BNC2: variants seen among roughly 807,000 people sequenced by gnomAD.
The protein encoded by BNC2 is zinc finger protein basonuclin-2.
BNC2 carries 20 observed loss-of-function variants against 76.3 expected under a neutral mutation model. That is an observed-to-expected ratio of 0.26 (90% confidence interval 0.18 to 0.38). The LOEUF (loss-of-function observed/expected upper bound fraction) is 0.38. BNC2 is among the 10% of genes least tolerant of loss of function. The probability of loss-of-function intolerance (pLI) is 1.00; values close to 1 mark genes in which losing one functional copy is unlikely to be tolerated. For missense variants in BNC2, 1,382 were observed against 1,399.8 expected (o/e 0.99, Z 0.20); for synonymous variants, 582 against 514.8 (o/e 1.13, Z -1.77).
chr9:16,759,012 G>C (rs1415192443), intron 1 of BNC2, among the ~76,000 whole-genome samples: 3 of 152,130 alleles, frequency 2.0e-5, no homozygotes, highest in Non-Finnish European at 2.9e-5. Context: ...AAGGAAATTT[G>C]TTCTGATTTT....
At chr9:16,586,725 C>A (rs927063356) in intron 3 of BNC2, among the ~76,000 whole-genome samples, 1 of 152,132 alleles carries the variant, frequency 6.6e-6, no homozygotes, top group Non-Finnish European at 1.5e-5. Context: ...AAGCAAAAAC[C>A]GTCACTGTGG....
intron 1 of BNC2, among the ~76,000 whole-genome samples, chr9:16,798,682 A>G (rs1015820596): frequency 2.6e-5 from 4 of 152,220 alleles, no homozygotes; most frequent in Non-Finnish European, 5.9e-5. Context: ...TAAATTTTTC[A>G]TTCTCCACTA....
intron 1 of BNC2, among the ~76,000 whole-genome samples, chr9:16,818,399 G>A (rs565454913): frequency 4.1e-4 from 62 of 152,092 alleles, no homozygotes; most frequent in Admixed American, 7.2e-4. Flanking sequence ...GCGAGACTCC[G>A]TCTCAAAAAA....
chr9:16,486,466 C>T (rs564608922), intron 5 of BNC2, among the ~76,000 whole-genome samples: 59 of 152,288 alleles, frequency 3.9e-4, no homozygotes, highest in Middle Eastern at 3.4e-3. Context: ...CAAATAAATG[C>T]GCACACCTTT....
chr9:16,722,637 G>T (rs1352839091), intron 3 of BNC2, among the ~76,000 whole-genome samples: 13 of 152,068 alleles, frequency 8.5e-5, no homozygotes, highest in Non-Finnish European at 1.9e-4. Context: ...ATTTCAAAAC[G>T]ATCACCTACT....
intron 3 of BNC2, among the ~76,000 whole-genome samples, chr9:16,697,981 T>TA (rs1460263000): frequency 6.6e-6 from 1 of 152,172 alleles, no homozygotes; most frequent in East Asian, 1.9e-4. Flanking sequence ...CATCCCAAAT[T>TA]AGTTTCTACT....
intron 3 of BNC2, among the ~76,000 whole-genome samples, chr9:16,623,831 TA>T (rs1158624603): frequency 1.3e-5 from 2 of 152,136 alleles, no homozygotes; most frequent in African/African-American, 4.8e-5. Flanking sequence ...AAGGATTCAG[TA>T]AAAAGCAAAG....
intron 1 of BNC2, among the ~76,000 whole-genome samples, chr9:16,834,748 A>G (rs1818663554): frequency 6.6e-6 from 1 of 152,342 alleles, no homozygotes; most frequent in East Asian, 1.9e-4. Context: ...AGAGTCTAGT[A>G]TAATGTCTGT....
chr9:16,869,909 C>T (rs1563979240), intron 1 of BNC2, among the ~76,000 whole-genome samples: 1 of 152,126 alleles, frequency 6.6e-6, no homozygotes. Flanking sequence ...TTATTCTGCT[C>T]CCTCCCCAGG....
intron 5 of BNC2, among the ~76,000 whole-genome samples, chr9:16,520,441 A>T (rs544782548): frequency 1.1e-4 from 16 of 152,362 alleles, no homozygotes; most frequent in African/African-American, 2.4e-4. Flanking sequence ...GTGTAAGAAC[A>T]ATCTGAATGG....
intron 3 of BNC2, among the ~76,000 whole-genome samples, chr9:16,722,759 T>C (rs1183251380): frequency 6.6e-6 from 1 of 152,212 alleles, no homozygotes; most frequent in Non-Finnish European, 1.5e-5. Context: ...ATGCTTTACT[T>C]GCGTTAACGT....
chr9:16,500,843 G>A (rs1201851733), intron 5 of BNC2, among the ~76,000 whole-genome samples: 3 of 152,162 alleles, frequency 2.0e-5, no homozygotes, highest in Non-Finnish European at 4.4e-5. Context: ...CCTTTTGCAG[G>A]AATGAGACAG....
intron 1 of BNC2, among the ~76,000 whole-genome samples, chr9:16,773,169 G>C (rs773145067): frequency 1.1e-4 from 17 of 152,154 alleles, no homozygotes; most frequent in Non-Finnish European, 1.8e-4. Context: ...GGATGGATCA[G>C]ACACTGCAGT....
rs1374133331 is a variant in BNC2 at position 16,754,723 on chromosome 9, A to G, written c.4-16238T>C. Reference sequence around the variant, plus strand: ...TAGCCACCCACCACCATGCCCAGCTAATATTTGTAATTTCAGTAGAGATGG... The same window carrying G: ...TAGCCACCCACCACCATGCCCAGCTGATATTTGTAATTTCAGTAGAGATGG... On this transcript the variant is annotated intron_variant, in intron 1 of 6. Coordinates refer to ENST00000380672, the MANE Select transcript of BNC2 (RefSeq NM_017637.6). 3.9e-5 allele frequency among the ~76,000 whole-genome samples: 6 copies of G among 152,144 alleles called. No individual in the cohort carries two copies. The East Asian group carries it at 1.2e-3, about 30-fold the overall frequency.
chr9:16,576,706 A>G (rs1359315314), intron 4 of BNC2, among the ~76,000 whole-genome samples: 1 of 152,188 alleles, frequency 6.6e-6, no homozygotes, highest in Non-Finnish European at 1.5e-5. Context: ...AGATCTCATG[A>G]TTCTAAATGT....
At chr9:16,677,243 C>G (rs1431428426) in intron 3 of BNC2, among the ~76,000 whole-genome samples, 3 of 152,090 alleles carry the variant, frequency 2.0e-5, no homozygotes, top group Non-Finnish European at 4.4e-5. Context: ...ACTCATCTTT[C>G]TATACTATCC....
In BNC2 at chr9:16,413,988, C is replaced by G. The variant is rs115816832; in HGVS notation, c.*5001G>C. ...ATGAAAACGAGGTGTTACCACTGGC[C>G]TTTTCTATAGCCTTGCTGACCCCTG... On this transcript the variant is annotated 3_prime_UTR_variant, in exon 7 of 7. Coordinates refer to ENST00000380672, the MANE Select transcript of BNC2 (RefSeq NM_017637.6). 6.6e-6 allele frequency: 1 copy of G among 152,178 alleles called. No homozygotes were observed. Among genetic ancestry groups the G allele is most frequent in the African/African-American group, 2.4e-5 (1 of 41,436 alleles). 9.4% of individuals were successfully genotyped at this position (152,178 alleles called of 1,614,324 possible).
At chr9:16,538,559 A>G (rs557672209) in intron 5 of BNC2, among the ~76,000 whole-genome samples, 5 of 152,358 alleles carry the variant, frequency 3.3e-5, no homozygotes, top group African/African-American at 9.6e-5. Flanking sequence ...AAATTTTAAA[A>G]TAAGTTTTCA....
At chr9:16,819,393 T>C (rs141969309) in intron 1 of BNC2, among the ~76,000 whole-genome samples, 105 of 152,308 alleles carry the variant, frequency 6.9e-4, no homozygotes, top group African/African-American at 2.4e-3. Context: ...CTGGGCACAA[T>C]GGCTCATGCC....
Sources: gnomAD v4.1 joint callset for allele counts (sites outside exome capture counted in the v4.1 genomes callset) on GRCh38, gnomAD v4.1.1 for gene constraint, MANE v1.5 for transcripts, NCBI Gene and HGNC (gene_info 2026-07-23, HGNC 2026-07-21) for gene names.